The following NEGR1 variants were observed in gnomAD, a reference collection of about 807,000 sequenced individuals.
NEGR1 encodes neuronal growth regulator 1.
In NEGR1, 10 loss-of-function variants were observed where a neutral mutation model predicts 40.9. The observed-to-expected ratio is 0.24, with a 90% CI of 0.15 to 0.42. The LOEUF (loss-of-function observed/expected upper bound fraction) is 0.42. NEGR1 is among the 10% of genes least tolerant of loss of function. The pLI, the probability that NEGR1 is intolerant of heterozygous loss-of-function variation, is 1.00. For missense variants in NEGR1, 352 were observed against 438.9 expected (o/e 0.80, Z 1.77); for synonymous variants, 185 against 166.8 (o/e 1.11, Z -0.84).
At chr1:71,568,722 A>G (rs770938835) in intron 6 of NEGR1, among the ~76,000 whole-genome samples, 1 of 152,026 alleles carries the variant, frequency 6.6e-6, no homozygotes, top group African/African-American at 2.4e-5. Flanking sequence ...ATATCTACAT[A>G]TGTGTAAATT....
chr1:71,632,065 C>T (rs1047770489), intron 4 of NEGR1, among the ~76,000 whole-genome samples: 38 of 151,516 alleles, frequency 2.5e-4, no homozygotes, highest in Non-Finnish European at 3.4e-4. Flanking sequence ...AAAATGAGTA[C>T]AAGGAAGGTA....
chr1:71,664,445 A>G (rs1399935301), intron 4 of NEGR1, among the ~76,000 whole-genome samples: 2 of 152,128 alleles, frequency 1.3e-5, no homozygotes, highest in African/African-American at 4.8e-5. Flanking sequence ...CTTGTAAGAT[A>G]TTTTACAATT....
At chr1:72,128,041 T>C (rs1008825047) in intron 1 of NEGR1, among the ~76,000 whole-genome samples, 4 of 152,146 alleles carry the variant, frequency 2.6e-5, no homozygotes, top group African/African-American at 7.2e-5. Flanking sequence ...ATGAAAATAA[T>C]GATCTTACAC....
intron 1 of NEGR1, among the ~76,000 whole-genome samples, chr1:72,256,092 GAAC>G (rs1450857282): frequency 6.6e-6 from 1 of 152,132 alleles, no homozygotes; most frequent in African/African-American, 2.4e-5. Flanking sequence ...ATACTTTATA[GAAC>G]AATACACAGC....
chr1:71,925,371 T>G (rs1288677950), intron 2 of NEGR1, among the ~76,000 whole-genome samples: 1 of 152,188 alleles, frequency 6.6e-6, no homozygotes, highest in African/African-American at 2.4e-5. Context: ...TTTCCCCGAA[T>G]CTTTCCACTT....
chr1:71,780,952 C>T (rs1264375425), intron 2 of NEGR1, among the ~76,000 whole-genome samples: 1 of 152,146 alleles, frequency 6.6e-6, no homozygotes, highest in East Asian at 1.9e-4. Context: ...ACATCCAAAC[C>T]AGATTCTAAT....
chr1:72,264,021 T>C (rs1014392419), intron 1 of NEGR1, among the ~76,000 whole-genome samples: 2 of 151,386 alleles, frequency 1.3e-5, no homozygotes, highest in Non-Finnish European at 3.0e-5. Flanking sequence ...CTCTGGAAAT[T>C]AGAGGTATCA....
intron 3 of NEGR1, among the ~76,000 whole-genome samples, chr1:71,709,910 G>A (rs539882454): frequency 5.7e-4 from 87 of 152,076 alleles, no homozygotes; most frequent in African/African-American, 1.2e-3. Context: ...CAAAGGATAC[G>A]GTCAACCCAG....
intron 3 of NEGR1, among the ~76,000 whole-genome samples, chr1:71,749,994 T>TC (rs1212033519): frequency 1.3e-5 from 2 of 149,200 alleles, no homozygotes; most frequent in African/African-American, 5.0e-5. Flanking sequence ...CTTTCTTTTT[T>TC]TTTTTTTTTT....
chr1:71,493,338 C>A (rs552240997), intron 6 of NEGR1, among the ~76,000 whole-genome samples: 20 of 152,144 alleles, frequency 1.3e-4, no homozygotes, highest in South Asian at 6.2e-4. Flanking sequence ...CATCTACTAT[C>A]CAAATACTTA....
chr1:71,673,096 T>C (rs1185876707), intron 4 of NEGR1, among the ~76,000 whole-genome samples: 1 of 151,746 alleles, frequency 6.6e-6, no homozygotes, highest in Non-Finnish European at 1.5e-5. Flanking sequence ...AAAATTAGCC[T>C]GGCATTTTGG....
At chr1:71,984,265 T>C (rs1344830784) in intron 1 of NEGR1, among the ~76,000 whole-genome samples, 1 of 120,346 alleles carries the variant, frequency 8.3e-6, no homozygotes, top group Non-Finnish European at 1.9e-5. Context: ...CAACAGAATA[T>C]TTATTCTGTT....
Position 71,405,924 on chromosome 1 carries a change from A to G in NEGR1, c.*1522T>C, listed in dbSNP as rs1646275374. The G allele has an allele frequency of 6.6e-6, 1 of 152,250 alleles. No individual in the cohort carries two copies. The highest frequency in any genetic ancestry group is 1.5e-5 in the Non-Finnish European group (1 of 67,830). 9.4% of individuals were successfully genotyped at this position (152,250 alleles called of 1,614,324 possible). A position where few individuals can be genotyped will look rare whatever the true frequency, so the allele number is the denominator to read the frequency against. On this transcript the variant is annotated 3_prime_UTR_variant, in exon 7 of 7. Coordinates refer to ENST00000357731, the MANE Select transcript of NEGR1 (RefSeq NM_173808.3). ...CCTTTCTTTAGTAAAGAGTGAAACC[A>G]TCAAACTATTCCTGTAAATTAATGT...
At chr1:71,591,430 G>A (rs1760604) in intron 6 of NEGR1, among the ~76,000 whole-genome samples, 1 of 152,088 alleles carries the variant, frequency 6.6e-6, no homozygotes, top group Non-Finnish European at 1.5e-5. Flanking sequence ...ATAGCAAAAC[G>A]TAATATGTTA....
intron 1 of NEGR1, among the ~76,000 whole-genome samples, chr1:72,087,704 C>T (rs1648281550): frequency 6.7e-6 from 1 of 150,192 alleles, no homozygotes; most frequent in Non-Finnish European, 1.5e-5. Flanking sequence ...GTGATCCTCC[C>T]ACCTCAGCCT....
At position 71,878,566 on chromosome 1, in the gene NEGR1, T is replaced by C. The variant is rs567711429; in HGVS notation, c.409+56513A>G. On this transcript the variant is annotated intron_variant, in intron 2 of 6. Coordinates refer to ENST00000357731, the MANE Select transcript of NEGR1 (RefSeq NM_173808.3). Reference sequence around the variant, plus strand: ...AAAACTATTTTTCATCATAAAAATATATAGTTTTAATTAAATGTATTTGTC... The same window carrying C: ...AAAACTATTTTTCATCATAAAAATACATAGTTTTAATTAAATGTATTTGTC... Among the ~76,000 whole-genome samples, 12 of 152,338 alleles carry C rather than the reference T, an allele frequency of 7.9e-5. No homozygotes were observed. The South Asian group carries it at 2.5e-3, about 32-fold the overall frequency.
intron 1 of NEGR1, among the ~76,000 whole-genome samples, chr1:72,252,044 TATTTG>T (rs1177252563): frequency 6.6e-6 from 1 of 152,184 alleles, no homozygotes; most frequent in Non-Finnish European, 1.5e-5. Flanking sequence ...TTATTTATTT[TATTTG>T]AATCTTCCTA....
chr1:72,236,180 G>T (rs541306270), intron 1 of NEGR1, among the ~76,000 whole-genome samples: 2 of 152,020 alleles, frequency 1.3e-5, no homozygotes, highest in South Asian at 4.1e-4. Context: ...ACTAACATAG[G>T]AACAGAAAAC....
At chr1:71,930,824 A>G (rs565806330) in intron 2 of NEGR1, among the ~76,000 whole-genome samples, 3 of 152,336 alleles carry the variant, frequency 2.0e-5, no homozygotes, top group South Asian at 2.1e-4. Flanking sequence ...TAGAGCTGCA[A>G]TGGAGTCTGG....
Sources: allele counts gnomAD v4.1 joint callset (sites outside exome capture counted in the v4.1 genomes callset), GRCh38; gene constraint gnomAD v4.1.1; transcripts MANE v1.5; gene names NCBI Gene and HGNC (gene_info 2026-07-23, HGNC 2026-07-21).